Variants in DNAH6 observed in about 807,000 individuals in gnomAD.
DNAH6 encodes axonemal beta dynein heavy chain 6.
DNAH6 carries 340 observed loss-of-function variants against 491.4 expected under a neutral mutation model. The observed-to-expected ratio is 0.69, with a 90% CI of 0.63 to 0.76. The LOEUF (loss-of-function observed/expected upper bound fraction) is 0.76, where lower values mean the gene tolerates loss of function less well. Among genes scored for constraint, DNAH6 ranks in the 30% least tolerant of loss-of-function variants. The pLI, the probability that DNAH6 is intolerant of heterozygous loss-of-function variation, is 0.00. For synonymous variants in DNAH6, 1,603 were observed against 1,686.1 expected (o/e 0.95, Z 1.21); for missense variants, 4,443 against 4,972.2 (o/e 0.89, Z 3.20).
chr2:84,599,448 G>A (rs754877778), intron 18 of DNAH6, among the ~76,000 whole-genome samples: 2 of 151,874 alleles, frequency 1.3e-5, no homozygotes, highest in Non-Finnish European at 2.9e-5. Context: ...TCTGTTAGAA[G>A]TTTAAAGGTT....
At chr2:84,593,004 C>T (rs1343861022) in intron 16 of DNAH6, among the ~76,000 whole-genome samples, 2 of 152,034 alleles carry the variant, frequency 1.3e-5, no homozygotes, top group Non-Finnish European at 2.9e-5. Flanking sequence ...AGAAAAAGTA[C>T]ATTAAATAAC....
intron 22 of DNAH6, among the ~76,000 whole-genome samples, chr2:84,613,144 A>AGTGTGT (rs57906545): frequency 5.3e-5 from 8 of 149,548 alleles, no homozygotes; most frequent in African/African-American, 1.5e-4. Flanking sequence ...AGAGAGAGAG[A>AGTGTGT]GTGTGTGTGT....
At chr2:84,682,398 G>A (rs1206386632) in intron 42 of DNAH6, among the ~76,000 whole-genome samples, 9 of 152,132 alleles carry the variant, frequency 5.9e-5, no homozygotes, top group South Asian at 2.1e-4. Context: ...CGCAGGGCTC[G>A]GTCTTTAGAT....
intron 49 of DNAH6, among the ~76,000 whole-genome samples, chr2:84,702,824 C>T (rs565231410): frequency 6.6e-6 from 1 of 152,274 alleles, no homozygotes; most frequent in Non-Finnish European, 1.5e-5. Flanking sequence ...ATGTGAGCCC[C>T]TGCCCCAGCC....
intron 29 of DNAH6, among the ~76,000 whole-genome samples, chr2:84,632,273 C>T (rs13398114): frequency 0.18 from 27,141 of 152,052 alleles, 4,526 homozygotes; most frequent in African/African-American, 0.44. Flanking sequence ...GCAAGGCTGC[C>T]AGTATCATCT....
At chr2:84,623,665 AG>A (rs1687602834) in intron 26 of DNAH6, among the ~76,000 whole-genome samples, 2 of 151,030 alleles carry the variant, frequency 1.3e-5, no homozygotes, top group African/African-American at 5.0e-5. Context: ...GTCCCTCATC[AG>A]GGTTGGCCCA....
chr2:84,506,385 A>G, the DNAH6 span, among the ~76,000 whole-genome samples: 1 of 152,100 alleles, frequency 6.6e-6, no homozygotes, highest in African/African-American at 2.4e-5. Context: ...GTATCTGTTC[A>G]TATCCTTTGC....
chr2:84,797,689 T>G, intron 70 of DNAH6, 31 bp downstream of exon 70: 10 of 1,530,760 alleles, frequency 6.5e-6, no homozygotes, highest in Non-Finnish European at 8.9e-6. Context: ...AAATACATAT[T>G]TATGTTGTGT....
At chr2:84,650,658 G>A (rs772717756) in intron 33 of DNAH6, among the ~76,000 whole-genome samples, 14 of 152,106 alleles carry the variant, frequency 9.2e-5, no homozygotes, top group Non-Finnish European at 1.6e-4. Flanking sequence ...AGGCTGAGGC[G>A]GGAAGACTGT....
rs1430910738 is a variant in DNAH6, at chr2:84,598,098, CG to C, written c.2868+2310del. ...GTGAGAAAGTGAACTCGTGGTTACT[CG>C]TGGAACTCGTGGTTCTTTCTATCTT... On this transcript the variant is annotated intron_variant, in intron 18 of 76. Transcript: ENST00000389394. Among the ~76,000 whole-genome samples, 471 of 140,180 alleles carry C rather than the reference CG, an allele frequency of 3.4e-3. 4 individuals are homozygous for C. Among genetic ancestry groups the C allele is most frequent in the African/African-American group, 0.013 (416 of 31,980 alleles). 92.0% of individuals were successfully genotyped at this position (140,180 alleles called of 152,430 possible). A position where few individuals can be genotyped will look rare whatever the true frequency, so the allele number is the denominator to read the frequency against.
intron 65 of DNAH6, among the ~76,000 whole-genome samples, chr2:84,782,611 C>T (rs1676799638): frequency 6.6e-6 from 1 of 152,186 alleles, no homozygotes; most frequent in Non-Finnish European, 1.5e-5. Context: ...CTTCTGCAGG[C>T]TGCTTCTGAC....
At chr2:84,610,367 G>A (rs900064288) in intron 21 of DNAH6, among the ~76,000 whole-genome samples, 1 of 152,112 alleles carries the variant, frequency 6.6e-6, no homozygotes, top group Non-Finnish European at 1.5e-5. Flanking sequence ...CATAGCACCT[G>A]GGAGCAAGTC....
At chr2:84,610,632 G>A (rs1201343250) in intron 21 of DNAH6, among the ~76,000 whole-genome samples, 1 of 152,124 alleles carries the variant, frequency 6.6e-6, no homozygotes, top group African/African-American at 2.4e-5. Flanking sequence ...CTCTTTCTTA[G>A]ACTTCAGATA....
chr2:84,591,608 A>G (rs1324742698), intron 16 of DNAH6, among the ~76,000 whole-genome samples: 1 of 152,206 alleles, frequency 6.6e-6, no homozygotes, highest in Non-Finnish European at 1.5e-5. Flanking sequence ...TTAAAAACAA[A>G]TTCTAAAATT....
chr2:84,713,312 T>C, intron 57 of DNAH6, 53 bp downstream of exon 57: 1 of 1,517,700 alleles, frequency 6.6e-7, no homozygotes, highest in Non-Finnish European at 8.9e-7. Context: ...CATGGTGTAA[T>C]GAATCTCTGA....
intron 12 of DNAH6, among the ~76,000 whole-genome samples, chr2:84,574,872 A>G (rs1682268572): frequency 6.6e-6 from 1 of 152,306 alleles, no homozygotes; most frequent in Admixed American, 6.5e-5. Flanking sequence ...TCCTGCTACC[A>G]CAGTCCTCAC....
chr2:84,581,715 G>C (rs1444172425), intron 14 of DNAH6, among the ~76,000 whole-genome samples: 1 of 152,184 alleles, frequency 6.6e-6, no homozygotes, highest in African/African-American at 2.4e-5. Flanking sequence ...ATGTTTAGTT[G>C]AAAGTTGATG....
At chr2:84,675,452 C>T (rs2104695935) in intron 40 of DNAH6, among the ~76,000 whole-genome samples, 1 of 152,220 alleles carries the variant, frequency 6.6e-6, no homozygotes, top group South Asian at 2.1e-4. Context: ...TTGGCACACA[C>T]TCTTCCCTTT....
chr2:84,589,926 C>T (rs183901517), intron 16 of DNAH6, among the ~76,000 whole-genome samples: 5 of 152,096 alleles, frequency 3.3e-5, no homozygotes, highest in East Asian at 1.9e-4. Flanking sequence ...CCAAAAATCT[C>T]GGAGGAACAT....
Sources: gnomAD v4.1 joint callset for allele counts (sites outside exome capture counted in the v4.1 genomes callset) on GRCh38, gnomAD v4.1.1 for gene constraint, MANE v1.5 for transcripts, NCBI Gene and HGNC (gene_info 2026-07-23, HGNC 2026-07-21) for gene names.